VMA12: variants seen among roughly 807,000 people sequenced by gnomAD.
The protein encoded by VMA12 is vacuolar ATPase assembly factor VMA12, also known as vacuolar ATPase assembly protein VMA12.
chr17:28,357,821 C>T, the VMA12 span: 5 of 1,613,976 alleles, frequency 3.1e-6, no homozygotes, highest in Non-Finnish European at 4.2e-6. Context: ...CTCCAGTGGC[C>T]CCCAACGCTT....
At chr17:28,360,250 T>C in the VMA12 span, 1 of 337,560 alleles carries the variant, frequency 3.0e-6, no homozygotes, top group Non-Finnish European at 5.7e-6. Context: ...TGAGCCACTG[T>C]GCCCAGCCAT....
the VMA12 span, chr17:28,360,610 T>C: frequency 6.2e-7 from 1 of 1,613,366 alleles, no homozygotes. Context: ...AACCTTTTCC[T>C]GAGATGGGTC....
chr17:28,360,263 G>A, the VMA12 span: 13 of 354,536 alleles, frequency 3.7e-5, no homozygotes, highest in Admixed American at 4.4e-4. Context: ...CCAGCCATTC[G>A]AGCATTTCTT....
At chr17:28,362,356 A>G in the VMA12 span, 2 of 152,122 alleles carry the variant, frequency 1.3e-5, no homozygotes, top group South Asian at 4.2e-4. Context: ...AGCTATATAA[A>G]ATTTGTGTTA....
At chr17:28,358,898 G>C in the VMA12 span, 1 of 1,602,546 alleles carries the variant, frequency 6.2e-7, no homozygotes, top group South Asian at 1.1e-5. Context: ...TTGTGTTTGT[G>C]AAACCTTTTC....
chr17:28,360,881 G>A, the VMA12 span: 3 of 1,570,724 alleles, frequency 1.9e-6, no homozygotes, highest in African/African-American at 4.0e-5. Flanking sequence ...GGGTGCCCCT[G>A]GTGGGGGTGT....
chr17:28,360,446 A>G, the VMA12 span: 1 of 1,162,494 alleles, frequency 8.6e-7, no homozygotes, highest in Non-Finnish European at 1.2e-6. Flanking sequence ...TATGTTGGGG[A>G]ATAGAGAGGG....
At chr17:28,359,828 C>A in the VMA12 span, among the ~76,000 whole-genome samples, 1 of 152,074 alleles carries the variant, frequency 6.6e-6, no homozygotes, top group African/African-American at 2.4e-5. Context: ...TCACTTGAAC[C>A]CAGGAGGCGG....
chr17:28,363,465 G>A, the VMA12 span: 3 of 151,964 alleles, frequency 2.0e-5, no homozygotes, highest in Non-Finnish European at 4.4e-5. Context: ...CATGGCAAAC[G>A]GCCCTCGTCC....
At chr17:28,359,589 G>T in the VMA12 span, 3 of 516,228 alleles carry the variant, frequency 5.8e-6, no homozygotes, top group Non-Finnish European at 1.0e-5. Context: ...GGCTGAGATG[G>T]TGACCAAGTT....
the VMA12 span, chr17:28,361,235 G>T: frequency 2.5e-6 from 4 of 1,614,008 alleles, no homozygotes; most frequent in Non-Finnish European, 3.4e-6. Context: ...AATGGAAGGC[G>T]AGCTGGGAGA....
At chr17:28,358,888 T>C in the VMA12 span, 2 of 1,590,508 alleles carry the variant, frequency 1.3e-6, no homozygotes, top group Non-Finnish European at 1.7e-6. Flanking sequence ...TCGTGGATCA[T>C]TGTGTTTGTG....
At chr17:28,359,658 A>G in the VMA12 span, 1 of 273,514 alleles carries the variant, frequency 3.7e-6, no homozygotes, top group South Asian at 6.5e-5. Context: ...TAATCCTAGC[A>G]CTTTGGGAGG....
chr17:28,363,101 CAG>C, the VMA12 span: 25 of 152,336 alleles, frequency 1.6e-4, no homozygotes, highest in Middle Eastern at 6.8e-3. Context: ...ATACCCCAAA[CAG>C]AGAGCAAATA....
chr17:28,359,141 G>A, the VMA12 span: 3 of 949,914 alleles, frequency 3.2e-6, no homozygotes, highest in South Asian at 1.8e-5. Context: ...CCCATCAGCT[G>A]TTTGGAAAAT....
the VMA12 span, chr17:28,359,322 A>G: frequency 6.2e-7 from 1 of 1,614,096 alleles, no homozygotes; most frequent in Non-Finnish European, 8.5e-7. Context: ...CAGAACCCAG[A>G]ACTAGTTGCC....
the VMA12 span, chr17:28,358,012 C>T: frequency 1.1e-6 from 1 of 905,828 alleles, no homozygotes; most frequent in Non-Finnish European, 1.6e-6. Context: ...TCCATAAATC[C>T]CAGGGCCACC....
chr17:28,359,284 T>A, the VMA12 span: 33 of 1,610,404 alleles, frequency 2.0e-5, no homozygotes, highest in Middle Eastern at 8.3e-4. Flanking sequence ...GCTGGGAATA[T>A]CATTCTTCTC....
chr17:28,358,877 CT>C, the VMA12 span: 622 of 1,561,332 alleles, frequency 4.0e-4, 3 homozygotes, highest in African/African-American at 7.6e-3. Flanking sequence ...TCAACCTCAG[CT>C]CGTGGATCAT....
Sources: allele counts gnomAD v4.1 joint callset (sites outside exome capture counted in the v4.1 genomes callset), GRCh38; gene constraint gnomAD v4.1.1; transcripts MANE v1.5; gene names NCBI Gene and HGNC (gene_info 2026-07-23, HGNC 2026-07-21).